The following TNFSF13B variants were observed in gnomAD, a reference collection of about 807,000 sequenced individuals.
TNFSF13B encodes the protein TNF superfamily member 13b, also known as tumor necrosis factor ligand superfamily member 13B.
Under a neutral mutation model 29.1 loss-of-function variants are expected in TNFSF13B, and 8 were observed. The ratio of observed to expected loss-of-function variants is 0.27; its 90% CI spans 0.16 to 0.50. The LOEUF is 0.50. TNFSF13B is among the 20% of genes least tolerant of loss of function. The probability of loss-of-function intolerance (pLI) is 0.98; values close to 1 mark genes in which losing one functional copy is unlikely to be tolerated. For missense variants in TNFSF13B, 248 were observed against 334.9 expected (o/e 0.74, Z 2.03); for synonymous variants, 125 against 130.8 (o/e 0.96, Z 0.30).
intron 3 of TNFSF13B, among the ~76,000 whole-genome samples, chr13:108,287,321 C>T (rs1881172445): frequency 6.6e-6 from 1 of 152,128 alleles, no homozygotes; most frequent in South Asian, 2.1e-4. Context: ...ATTCAGTCCA[C>T]TCCAAATATT....
intron 5 of TNFSF13B, among the ~76,000 whole-genome samples, chr13:108,304,594 T>C (rs1269947087): frequency 6.6e-6 from 1 of 152,186 alleles, no homozygotes; most frequent in Non-Finnish European, 1.5e-5. Flanking sequence ...CTTAAACACA[T>C]TTATTTTCTC....
At chr13:108,296,887 A>G (rs1248800150) in intron 3 of TNFSF13B, among the ~76,000 whole-genome samples, 4 of 145,746 alleles carry the variant, frequency 2.7e-5, no homozygotes, top group Non-Finnish European at 6.1e-5. Context: ...TTGTCACAAA[A>G]TATACGCTTA....
chr13:108,291,626 C>T lies in TNFSF13B; in HGVS notation c.481+4767C>T, dbSNP rs544355622. ...TCTTTTATTTTTGGATTGCATTTCCCTAGCATGACTTTGCCCAAAATTTTA... is the reference window on the plus strand; with the variant it reads ...TCTTTTATTTTTGGATTGCATTTCCTTAGCATGACTTTGCCCAAAATTTTA... On this transcript the variant is annotated intron_variant, in intron 3 of 5. Transcript: ENST00000375887. Among the ~76,000 whole-genome samples, 26 of 151,898 alleles carry T rather than the reference C, an allele frequency of 1.7e-4. No homozygotes were observed. The East Asian group carries it at 5.0e-3, about 29-fold the overall frequency.
At chr13:108,275,791 A>C (rs972376577) in intron 2 of TNFSF13B, among the ~76,000 whole-genome samples, 1 of 152,178 alleles carries the variant, frequency 6.6e-6, no homozygotes, top group Non-Finnish European at 1.5e-5. Context: ...AACCAACATT[A>C]AGACTTAACT....
chr13:108,293,600 T>C (rs968063400), intron 3 of TNFSF13B, among the ~76,000 whole-genome samples: 6 of 152,198 alleles, frequency 3.9e-5, no homozygotes, highest in Admixed American at 3.3e-4. Context: ...TCATTTCTTA[T>C]AGCAATCTTT....
rs1211646897 is a variant in TNFSF13B at position 108,269,746 on chromosome 13, G to C, written c.-150G>C. On this transcript the variant is annotated 5_prime_UTR_variant, in exon 1 of 6. Transcript: ENST00000375887. The stretch of plus-strand genomic sequence containing the variant: ...GGTAGAGATGCAGAAAGGCAGAAAG[G>C]AGAAAATTCAGGATAACTCTCCTGA... 9.8e-6 allele frequency: 7 copies of C among 717,464 alleles called. No homozygotes were observed. Among genetic ancestry groups the C allele is most frequent in the Non-Finnish European group, 1.6e-5 (7 of 433,470 alleles). 44.4% of individuals were successfully genotyped at this position (717,464 alleles called of 1,614,324 possible). A position where few individuals can be genotyped will look rare whatever the true frequency, so the allele number is the denominator to read the frequency against.
intron 3 of TNFSF13B, among the ~76,000 whole-genome samples, chr13:108,300,874 A>G (rs1400575679): frequency 1.3e-5 from 2 of 152,170 alleles, no homozygotes; most frequent in African/African-American, 2.4e-5. Context: ...AAGTTTCTTG[A>G]TCCACCCATA....
Position 108,279,589 on chromosome 13 carries a change from T to C in TNFSF13B, c.425-7214T>C, listed in dbSNP as rs1472783445. On this transcript the variant is annotated intron_variant, in intron 2 of 5. Coordinates refer to ENST00000375887, the MANE Select transcript of TNFSF13B (RefSeq NM_006573.5). ...TGTGAATGTTGGCTGGGCCGGGGCATGGAGGAACTGTTTTGTATTCCAGGG... is the reference window on the plus strand; with the variant it reads ...TGTGAATGTTGGCTGGGCCGGGGCACGGAGGAACTGTTTTGTATTCCAGGG... Among the ~76,000 whole-genome samples the C allele has an allele frequency of 2.0e-5, 3 of 152,134 alleles. No individual in the cohort carries two copies. The South Asian group carries it at 6.2e-4, about 32-fold the overall frequency.
chr13:108,284,824 G>C (rs1881075971), intron 2 of TNFSF13B, among the ~76,000 whole-genome samples: 1 of 152,098 alleles, frequency 6.6e-6, no homozygotes, highest in Non-Finnish European at 1.5e-5. Flanking sequence ...GGATTTGTTG[G>C]AAAAATAAAA....
At position 108,308,199 on chromosome 13, in the gene TNFSF13B, A is replaced by G. The variant is rs1881833409; in HGVS notation, c.*1261A>G. 6.6e-6 allele frequency: 1 copy of G among 152,140 alleles called. No individual in the cohort carries two copies. Among genetic ancestry groups the G allele is most frequent in the South Asian group, 2.1e-4 (1 of 4,836 alleles). The allele number at this position is 152,140 out of a possible 1,614,324, so 9.4% of individuals were successfully genotyped here. A position where few individuals can be genotyped will look rare whatever the true frequency, so the allele number is the denominator to read the frequency against. Reference sequence around the variant, plus strand: ...AGTCTATGAAAATCTTCCCATCTATATCAAAATACTTTTCAAGGATATACT... The same window carrying G: ...AGTCTATGAAAATCTTCCCATCTATGTCAAAATACTTTTCAAGGATATACT... On this transcript the variant is annotated 3_prime_UTR_variant, in exon 6 of 6. Coordinates refer to ENST00000375887, the MANE Select transcript of TNFSF13B (RefSeq NM_006573.5).
chr13:108,288,565 T>C (rs1281880804), intron 3 of TNFSF13B, among the ~76,000 whole-genome samples: 1 of 152,234 alleles, frequency 6.6e-6, no homozygotes, highest in African/African-American at 2.4e-5. Context: ...GTGTTTTGAA[T>C]ACTGGAATGA....
chr13:108,269,993 G>T lies in TNFSF13B; in HGVS notation c.98G>T (p.Arg33Leu). The T allele has an allele frequency of 6.2e-7, 1 of 1,613,488 alleles. No homozygotes were observed. The highest frequency in any genetic ancestry group is 1.3e-5 in the African/African-American group (1 of 75,020). The change falls in exon 1 of 6, where the codon CGG becomes CTG. Residue 33 changes from arginine to leucine, a missense_variant. Coordinates refer to ENST00000375887, the MANE Select transcript of TNFSF13B (RefSeq NM_006573.5). ...AAGGAGTGTGTTTCCATCCTCCCAC[G>T]GAAGGAAAGCCCCTCTGTCCGATCC... ...KLKECVSILP[R>L]KESPSVRSSK...
At chr13:108,292,472 A>G (rs940230845) in intron 3 of TNFSF13B, among the ~76,000 whole-genome samples, 42 of 152,228 alleles carry the variant, frequency 2.8e-4, no homozygotes, top group South Asian at 4.2e-4. Flanking sequence ...GTATACATCG[A>G]TGAATCGATG....
intron 2 of TNFSF13B, among the ~76,000 whole-genome samples, chr13:108,278,853 T>G (rs1478530021): frequency 6.6e-6 from 1 of 152,046 alleles, no homozygotes; most frequent in Non-Finnish European, 1.5e-5. Context: ...TCTGCCCCAC[T>G]GGAGCCTCTG....
intron 2 of TNFSF13B, 92 bp from the exon 3 acceptor site, chr13:108,286,711 T>A (rs1302660878): frequency 5.7e-6 from 4 of 697,790 alleles, no homozygotes; most frequent in Non-Finnish European, 7.2e-6. Flanking sequence ...ATTGATTTAG[T>A]GTTTCTGGAA....
intron 2 of TNFSF13B, among the ~76,000 whole-genome samples, chr13:108,280,104 C>T (rs1160395415): frequency 7.3e-6 from 1 of 136,884 alleles, no homozygotes; most frequent in Non-Finnish European, 1.5e-5. Context: ...CTTAGCACAA[C>T]ACCTGACGTA....
At chr13:108,304,573 A>T (rs1247094947) in intron 5 of TNFSF13B, among the ~76,000 whole-genome samples, 1 of 152,154 alleles carries the variant, frequency 6.6e-6, no homozygotes, top group South Asian at 2.1e-4. Flanking sequence ...GTTTTGCAGA[A>T]AAATATTTAC....
At chr13:108,284,139 C>T (rs1293222382) in intron 2 of TNFSF13B, among the ~76,000 whole-genome samples, 1 of 152,108 alleles carries the variant, frequency 6.6e-6, no homozygotes, top group Non-Finnish European at 1.5e-5. Flanking sequence ...ACCATCCTGG[C>T]TAACACGATG....
At chr13:108,285,938 C>T (rs886213981) in intron 2 of TNFSF13B, among the ~76,000 whole-genome samples, 1 of 152,190 alleles carries the variant, frequency 6.6e-6, no homozygotes, top group African/African-American at 2.4e-5. Flanking sequence ...ACTTAATTTG[C>T]TTTTGCCTAA....
Sources: allele counts gnomAD v4.1 joint callset (sites outside exome capture counted in the v4.1 genomes callset), GRCh38; gene constraint gnomAD v4.1.1; transcripts MANE v1.5; gene names NCBI Gene and HGNC (gene_info 2026-07-23, HGNC 2026-07-21).